The following PRELID2 variants were observed in gnomAD, a reference collection of about 807,000 sequenced individuals.
PRELID2 encodes the protein PRELI domain-containing protein 2.
Under a neutral mutation model 28.4 loss-of-function variants are expected in PRELID2, and 25 were observed. The observed-to-expected ratio is 0.88, with a 90% CI of 0.64 to 1.23. PRELID2 has a LOEUF of 1.23. PRELID2 is among the 50% of genes most tolerant of loss of function. The pLI is 0.00. For synonymous variants in PRELID2, 76 were observed against 71.6 expected, an observed-to-expected ratio of 1.06 and a Z score of -0.31; for missense variants, 201 against 214.4, an observed-to-expected ratio of 0.94 and a Z score of 0.39.
chr5:145,525,046 T>G (rs1291684603), intron 1 of PRELID2, among the ~76,000 whole-genome samples: 1 of 152,206 alleles, frequency 6.6e-6, no homozygotes, highest in African/African-American at 2.4e-5. Context: ...ATACAAACAC[T>G]AATGAGATTA....
chr5:145,827,710 A>G (rs1177176396), intron 1 of PRELID2, among the ~76,000 whole-genome samples: 2 of 152,230 alleles, frequency 1.3e-5, no homozygotes. Context: ...GCATAAACCC[A>G]GTGCAGCTAA....
At chr5:145,259,078 G>A in the PRELID2 span, among the ~76,000 whole-genome samples, 1 of 152,194 alleles carries the variant, frequency 6.6e-6, no homozygotes, top group Non-Finnish European at 1.5e-5. Context: ...CTTCCACGTG[G>A]TATTAAGCTT....
At chr5:145,266,223 G>A in the PRELID2 span, among the ~76,000 whole-genome samples, 5 of 152,082 alleles carry the variant, frequency 3.3e-5, no homozygotes, top group East Asian at 1.9e-4. Context: ...AGCTGTGTAG[G>A]GGAAATCTGT....
the PRELID2 span, among the ~76,000 whole-genome samples, chr5:145,243,783 A>T: frequency 1.3e-5 from 2 of 152,118 alleles, no homozygotes; most frequent in Non-Finnish European, 2.9e-5. Context: ...GTTAACCATC[A>T]TTACTATTAT....
Position 145,741,700 on chromosome 5 carries a change from A to AATAATTTATAAATAATTTATTTATTT in PRELID2, n.70+23230_70+23231insAAATAAATAAATTATTTATAAATTAT, listed in dbSNP as rs375722690. Reference sequence around the variant, plus strand: ...TTTATAAATAATTTATTTATATATAAATAATTTATTTATATATAAATAAAA... The same window carrying AATAATTTATAAATAATTTATTTATTT: ...TTTATAAATAATTTATTTATATATAAATAATTTATAAATAATTTATTTATTTATAATTTATTTATATATAAATAAAA... On this transcript the variant is annotated intron_variant and non_coding_transcript_variant, in intron 1 of 2. Coordinates refer to the PRELID2 transcript ENST00000510259. Among the ~76,000 whole-genome samples the AATAATTTATAAATAATTTATTTATTT allele has an allele frequency of 2.5e-3, 10 of 4,002 alleles. 2 individuals carry two copies. Among genetic ancestry groups the AATAATTTATAAATAATTTATTTATTT allele is most frequent in the African/African-American group, 5.8e-3 (10 of 1,722 alleles). The allele number at this position is 4,002 out of a possible 152,430, so 2.6% of individuals were successfully genotyped here.
intron 5 of PRELID2, among the ~76,000 whole-genome samples, chr5:145,770,731 CA>C (rs1264660496): frequency 6.6e-6 from 1 of 151,764 alleles, no homozygotes; most frequent in Non-Finnish European, 1.5e-5. Context: ...CAAAAAAGTT[CA>C]AAAAGTAAAA....
chr5:145,427,978 G>T, the PRELID2 span, among the ~76,000 whole-genome samples: 2 of 152,048 alleles, frequency 1.3e-5, no homozygotes, highest in Non-Finnish European at 2.9e-5. Flanking sequence ...CTTTTTTTGA[G>T]ACGGAGTTTT....
intron 1 of PRELID2, among the ~76,000 whole-genome samples, chr5:145,588,879 TAAA>T (rs10707481): frequency 0.073 from 10,274 of 141,160 alleles, 533 homozygotes; most frequent in Admixed American, 0.19. Flanking sequence ...TTTTTATTGG[TAAA>T]AAAAAAAAAA....
chr5:145,798,571 C>T (rs890963304), intron 4 of PRELID2, among the ~76,000 whole-genome samples: 2 of 152,172 alleles, frequency 1.3e-5, no homozygotes, highest in African/African-American at 4.8e-5. Context: ...GACATGTGCA[C>T]ACATATGCTT....
intron 1 of PRELID2, among the ~76,000 whole-genome samples, chr5:145,506,974 G>A (rs1004267477): frequency 6.6e-6 from 1 of 151,874 alleles, no homozygotes; most frequent in East Asian, 1.9e-4. Flanking sequence ...TTTGTTTGTT[G>A]GCTCACTTGT....
At chr5:145,717,289 C>A (rs1328972620) in intron 1 of PRELID2, among the ~76,000 whole-genome samples, 1 of 152,112 alleles carries the variant, frequency 6.6e-6, no homozygotes, top group Non-Finnish European at 1.5e-5. Context: ...TGACTACTAA[C>A]AGGCATGAGG....
chr5:145,416,467 A>C, the PRELID2 span, among the ~76,000 whole-genome samples: 19 of 152,216 alleles, frequency 1.2e-4, no homozygotes, highest in Non-Finnish European at 2.8e-4. Context: ...AACTACCATC[A>C]GAGTGAACAG....
At chr5:145,382,539 C>A in the PRELID2 span, among the ~76,000 whole-genome samples, 107 of 151,868 alleles carry the variant, frequency 7.0e-4, no homozygotes, top group South Asian at 7.3e-3. Flanking sequence ...TTGTCAAAAA[C>A]AATAGAGTCA....
At chr5:145,823,044 A>T in intron 2 of PRELID2, 33 bp downstream of exon 2, 1 of 1,123,586 alleles carries the variant, frequency 8.9e-7, no homozygotes, top group Non-Finnish European at 1.4e-6. Context: ...TCATTTAATG[A>T]TCATTACTGA....
intron 1 of PRELID2, among the ~76,000 whole-genome samples, chr5:145,656,933 A>T (rs1037636505): frequency 1.3e-5 from 2 of 151,594 alleles, no homozygotes; most frequent in Non-Finnish European, 2.9e-5. Context: ...AATGACACAG[A>T]CTCTCTGTTC....
intron 1 of PRELID2, among the ~76,000 whole-genome samples, chr5:145,507,992 T>C (rs1276914069): frequency 6.6e-6 from 1 of 152,148 alleles, no homozygotes; most frequent in Non-Finnish European, 1.5e-5. Context: ...TGAGCTAATA[T>C]GTAGTTAATT....
chr5:145,448,594 T>C, the PRELID2 span, among the ~76,000 whole-genome samples: 35 of 152,158 alleles, frequency 2.3e-4, no homozygotes, highest in Non-Finnish European at 4.3e-4. Flanking sequence ...AGAGGGCCAT[T>C]ACATAATGGT....
chr5:145,236,322 A>G, the PRELID2 span, among the ~76,000 whole-genome samples: 5 of 152,136 alleles, frequency 3.3e-5, no homozygotes, highest in Non-Finnish European at 7.4e-5. Context: ...CAAACTTCTT[A>G]TGCAAAAGGA....
chr5:145,440,401 A>C, the PRELID2 span, among the ~76,000 whole-genome samples: 1 of 152,128 alleles, frequency 6.6e-6, no homozygotes, highest in African/African-American at 2.4e-5. Flanking sequence ...TGGGACAGAA[A>C]AATTATAGTT....
Sources: gnomAD v4.1 joint callset for allele counts (sites outside exome capture counted in the v4.1 genomes callset) on GRCh38, gnomAD v4.1.1 for gene constraint, MANE v1.5 for transcripts, NCBI Gene and HGNC (gene_info 2026-07-23, HGNC 2026-07-21) for gene names.